TCF7L2: variants seen among roughly 807,000 people sequenced by gnomAD.
TCF7L2 encodes the protein transcription factor 7 like 2.
A neutral mutation model predicts 77.9 loss-of-function variants in TCF7L2; 23 were observed. That is an observed-to-expected ratio of 0.30 (90% CI 0.21 to 0.42). The LOEUF is 0.42. Among genes scored for constraint, TCF7L2 ranks in the 10% least tolerant of loss-of-function variants. The pLI is 1.00. For synonymous variants in TCF7L2, 413 were observed against 340.2 expected (o/e 1.21, Z -2.36); for missense variants, 654 against 793.1 (o/e 0.82, Z 2.11).
chr10:112,972,136 A>T (rs1277166419), intron 4 of TCF7L2, among the ~76,000 whole-genome samples: 2 of 152,072 alleles, frequency 1.3e-5, no homozygotes, highest in African/African-American at 4.8e-5. Context: ...CAATCAATTG[A>T]TCATTTATTG....
intron 7 of TCF7L2, among the ~76,000 whole-genome samples, chr10:113,145,498 G>C (rs759036821): frequency 6.6e-5 from 10 of 151,950 alleles, no homozygotes; most frequent in Non-Finnish European, 1.3e-4. Context: ...TCTCCCCCCG[G>C]TAACTCTTGT....
At position 113,046,867 on chromosome 10, in the gene TCF7L2, C is replaced by T. The variant is rs530932426; in HGVS notation, c.552+6741C>T. Among the ~76,000 whole-genome samples, 122 of 152,108 alleles carry T rather than the reference C, an allele frequency of 8.0e-4. 2 individuals are homozygous for T. The South Asian group carries it at 0.025, about 31-fold the overall frequency. ...ATATACCAAATTATCCTTTTTTCCT[C>T]TGAGTGTATGAATATTTATATTTGT... On this transcript the variant is annotated intron_variant, in intron 5 of 13. Coordinates refer to ENST00000627217, the MANE Select transcript of TCF7L2 (RefSeq NM_001146274.2).
intron 4 of TCF7L2, among the ~76,000 whole-genome samples, chr10:113,003,379 A>G (rs983389965): frequency 5.3e-5 from 8 of 152,070 alleles, no homozygotes; most frequent in African/African-American, 1.9e-4. Flanking sequence ...ATGTGGTGCC[A>G]GTAGTGTCTG....
chr10:113,137,362 T>A (rs1276373749), intron 5 of TCF7L2, among the ~76,000 whole-genome samples: 1 of 152,240 alleles, frequency 6.6e-6, no homozygotes, highest in Non-Finnish European at 1.5e-5. Context: ...ACGTTTAGCT[T>A]GTGCCTGTCA....
At chr10:113,061,725 T>A (rs2056476060) in intron 5 of TCF7L2, among the ~76,000 whole-genome samples, 1 of 152,182 alleles carries the variant, frequency 6.6e-6, no homozygotes, top group Non-Finnish European at 1.5e-5. Flanking sequence ...TTATTGATCC[T>A]CCCCTGGAAC....
rs1009541245 is a variant in TCF7L2, at chr10:113,161,686, A to G, written c.1391+995A>G. On this transcript the variant is annotated intron_variant, in intron 13 of 13. Transcript: ENST00000627217. ...TGTCCCTCCCCTTCATGACTTTGCCATGTGCTCCGTGTTTAGACGTTAGAT... is the reference window on the plus strand; with the variant it reads ...TGTCCCTCCCCTTCATGACTTTGCCGTGTGCTCCGTGTTTAGACGTTAGAT... The G allele has an allele frequency of 3.6e-5, 52 of 1,455,504 alleles. No homozygotes were observed. The African/African-American group carries it at 6.7e-4, about 19-fold the overall frequency. The allele number at this position is 1,455,504 out of a possible 1,614,324, so 90.2% of individuals were successfully genotyped here. A position where few individuals can be genotyped will look rare whatever the true frequency, so the allele number is the denominator to read the frequency against.
intron 3 of TCF7L2, among the ~76,000 whole-genome samples, chr10:112,961,266 C>CG (rs1257992745): frequency 1.6e-5 from 2 of 125,740 alleles, no homozygotes; most frequent in African/African-American, 6.3e-5. Context: ...CCCCCCCCCC[C>CG]CAACCTCGGC....
At chr10:113,082,319 T>G (rs1352860076) in intron 5 of TCF7L2, among the ~76,000 whole-genome samples, 3 of 131,122 alleles carry the variant, frequency 2.3e-5, no homozygotes, top group Non-Finnish European at 4.8e-5. Context: ...CTTTTTTTAA[T>G]AACTTTATTC....
intron 4 of TCF7L2, among the ~76,000 whole-genome samples, chr10:112,993,230 C>A (rs1204081626): frequency 6.6e-6 from 1 of 152,062 alleles, no homozygotes; most frequent in East Asian, 1.9e-4. Context: ...TGTGAAAATG[C>A]TTTTGCCAGC....
At chr10:113,002,124 C>A (rs898545731) in intron 4 of TCF7L2, among the ~76,000 whole-genome samples, 2 of 152,126 alleles carry the variant, frequency 1.3e-5, no homozygotes, top group Non-Finnish European at 2.9e-5. Context: ...ACTTATGAAG[C>A]CTGTAGGTTG....
At chr10:113,042,520 T>A (rs2052635960) in intron 5 of TCF7L2, among the ~76,000 whole-genome samples, 1 of 152,160 alleles carries the variant, frequency 6.6e-6, no homozygotes, top group African/African-American at 2.4e-5. Context: ...GTGAAATACT[T>A]GAATGCTTGT....
chr10:113,033,187 C>T (rs1462166295), intron 4 of TCF7L2, among the ~76,000 whole-genome samples: 2 of 150,002 alleles, frequency 1.3e-5, no homozygotes, highest in Non-Finnish European at 3.0e-5. Flanking sequence ...TCCCTCCTTT[C>T]CTCCTCCTCC....
chr10:113,110,521 T>A (rs2062993387), intron 5 of TCF7L2, among the ~76,000 whole-genome samples: 1 of 152,156 alleles, frequency 6.6e-6, no homozygotes, highest in Non-Finnish European at 1.5e-5. Flanking sequence ...AAACATGTAG[T>A]ATACACATGT....
chr10:112,955,580 A>G (rs2033336726), intron 3 of TCF7L2, among the ~76,000 whole-genome samples: 1 of 152,186 alleles, frequency 6.6e-6, no homozygotes. Context: ...TGTTTAAGGG[A>G]AGGAGCTTTG....
At chr10:113,029,653 A>G (rs2049869255) in intron 4 of TCF7L2, among the ~76,000 whole-genome samples, 1 of 151,830 alleles carries the variant, frequency 6.6e-6, no homozygotes, top group African/African-American at 2.4e-5. Context: ...CAGCCTCGCA[A>G]GTAGCTAGGA....
intron 7 of TCF7L2, 113 bp downstream of exon 7, chr10:113,144,138 A>C (rs11196243): frequency 6.8e-6 from 3 of 440,088 alleles, no homozygotes; most frequent in South Asian, 1.1e-4. Context: ...GTGTGTGTGT[A>C]TGTGTGTGTG....
intron 5 of TCF7L2, among the ~76,000 whole-genome samples, chr10:113,088,344 G>A (rs1436464523): frequency 1.3e-5 from 2 of 152,096 alleles, no homozygotes; most frequent in Admixed American, 6.5e-5. Flanking sequence ...TTTACTAGCA[G>A]TGTGACCTTG....
Position 113,118,569 on chromosome 10 carries a change from AT to A in TCF7L2, c.553-22612del, listed in dbSNP as rs573631263. On this transcript the variant is annotated intron_variant, in intron 5 of 13. Transcript: ENST00000627217. ...TGTGTGTGTGTTTGTTCACCTACAC[AT>A]TTGCCTGGAGTATAGTGAGAACCCA... 5.5e-4 allele frequency among the ~76,000 whole-genome samples: 71 copies of A among 127,974 alleles called. No individual in the cohort carries two copies. In the South Asian group the frequency reaches 0.012, roughly 21 times the overall value. The allele number at this position is 127,974 out of a possible 152,430, so 84.0% of individuals were successfully genotyped here.
intron 4 of TCF7L2, among the ~76,000 whole-genome samples, chr10:113,027,157 T>G (rs1311246107): frequency 6.6e-6 from 1 of 152,204 alleles, no homozygotes; most frequent in African/African-American, 2.4e-5. Flanking sequence ...TTTTTGGAAG[T>G]GGAATTTGAT....
Sources: allele counts gnomAD v4.1 joint callset (sites outside exome capture counted in the v4.1 genomes callset), GRCh38; gene constraint gnomAD v4.1.1; transcripts MANE v1.5; gene names NCBI Gene and HGNC (gene_info 2026-07-23, HGNC 2026-07-21).